The following PTGES variants were observed in gnomAD, a reference collection of about 807,000 sequenced individuals.
The protein encoded by PTGES is MGST1-like 1.
A neutral mutation model predicts 11.8 loss-of-function variants in PTGES; 3 were observed. That is an observed-to-expected ratio of 0.25 (90% CI 0.12 to 0.66). The LOEUF is 0.66. PTGES is among the 30% of genes least tolerant of loss of function. The pLI is 0.82. For synonymous variants in PTGES, 94 were observed against 90.4 expected, an observed-to-expected ratio of 1.04 and a Z score of -0.22; for missense variants, 180 against 213.0, an observed-to-expected ratio of 0.85 and a Z score of 0.96.
At chr9:129,747,667 T>A (rs1280498851) in intron 2 of PTGES, among the ~76,000 whole-genome samples, 1 of 152,044 alleles carries the variant, frequency 6.6e-6, no homozygotes, top group African/African-American at 2.4e-5. Flanking sequence ...GGGACATGAT[T>A]TTGTTGCATC....
At chr9:129,746,592 C>G (rs1278893085) in intron 2 of PTGES, among the ~76,000 whole-genome samples, 1 of 152,052 alleles carries the variant, frequency 6.6e-6, no homozygotes, top group Non-Finnish European at 1.5e-5. Flanking sequence ...AGAAAAAAAC[C>G]CACAGACTTT....
Position 129,750,929 on chromosome 9 carries a change from A to C in PTGES, c.126+1958T>G, listed in dbSNP as rs369813081. 6.0e-4 allele frequency among the ~76,000 whole-genome samples: 92 copies of C among 152,296 alleles called. 1 individual carries two copies. Among genetic ancestry groups the C allele is most frequent in the African/African-American group, 2.0e-3 (85 of 41,576 alleles). On this transcript the variant is annotated intron_variant, in intron 1 of 2. Transcript: ENST00000340607. ...GCCACGTTGTCATGAGGAACACCTC[A>C]GGAGCAGCCCAAGGAGTGGGGGTTT...
intron 2 of PTGES, among the ~76,000 whole-genome samples, chr9:129,743,885 G>A (rs1261588307): frequency 1.3e-5 from 2 of 152,154 alleles, no homozygotes; most frequent in Non-Finnish European, 2.9e-5. Flanking sequence ...GTCTCGCTCT[G>A]TGCCCCAGGC....
chr9:129,747,369 C>T (rs942087408), intron 2 of PTGES, among the ~76,000 whole-genome samples: 9 of 152,136 alleles, frequency 5.9e-5, no homozygotes, highest in African/African-American at 2.2e-4. Context: ...GTGATTAGAA[C>T]TGTGAGTGGT....
At chr9:129,746,272 C>T (rs2130952875) in intron 2 of PTGES, among the ~76,000 whole-genome samples, 1 of 152,316 alleles carries the variant, frequency 6.6e-6, no homozygotes, top group African/African-American at 2.4e-5. Flanking sequence ...GGGCAACCCA[C>T]CGTCCTGGCC....
At chr9:129,751,090 G>T (rs992823290) in intron 1 of PTGES, among the ~76,000 whole-genome samples, 1 of 152,162 alleles carries the variant, frequency 6.6e-6, no homozygotes, top group Non-Finnish European at 1.5e-5. Flanking sequence ...ACTCCAGGAG[G>T]CCAAGATGGG....
intron 2 of PTGES, among the ~76,000 whole-genome samples, chr9:129,741,439 C>T (rs769911214): frequency 2.0e-5 from 3 of 152,168 alleles, no homozygotes; most frequent in South Asian, 2.1e-4. Context: ...CCGCATATCC[C>T]GAGACTGACA....
At chr9:129,740,279 C>T (rs1588185182) in intron 2 of PTGES, among the ~76,000 whole-genome samples, 1 of 152,126 alleles carries the variant, frequency 6.6e-6, no homozygotes, top group South Asian at 2.1e-4. Context: ...GGATTGGAAC[C>T]GAGTTCTGAC....
At chr9:129,746,034 C>CA (rs142175511) in intron 2 of PTGES, among the ~76,000 whole-genome samples, 14,485 of 121,098 alleles carry the variant, frequency 0.12, 770 homozygotes, top group East Asian at 0.21. Flanking sequence ...AACTCTGTCT[C>CA]AAAAAAAAAA....
chr9:129,742,487 A>G (rs1434399577), intron 2 of PTGES, among the ~76,000 whole-genome samples: 1 of 152,208 alleles, frequency 6.6e-6, no homozygotes, highest in Non-Finnish European at 1.5e-5. Flanking sequence ...TGCCTGTCAC[A>G]AGTGATTCAC....
intron 2 of PTGES, among the ~76,000 whole-genome samples, chr9:129,740,962 C>T (rs972035926): frequency 6.6e-6 from 1 of 152,362 alleles, no homozygotes; most frequent in African/African-American, 2.4e-5. Context: ...CAGGCCCAGA[C>T]TAGCAGCACT....
intron 2 of PTGES, among the ~76,000 whole-genome samples, chr9:129,742,978 G>T (rs1159730750): frequency 6.6e-6 from 1 of 152,230 alleles, no homozygotes; most frequent in East Asian, 1.9e-4. Context: ...AAGGAAAGAA[G>T]TTGGGGAACA....
At chr9:129,748,823 C>T (rs1170548735) in intron 1 of PTGES, 86 bp from the exon 2 acceptor site, 7 of 1,163,480 alleles carry the variant, frequency 6.0e-6, no homozygotes, top group Non-Finnish European at 8.5e-6. Flanking sequence ...CCAGAGTTCA[C>T]AGTGGCAGGA....
intron 2 of PTGES, among the ~76,000 whole-genome samples, chr9:129,742,851 A>G (rs1368750012): frequency 1.3e-5 from 2 of 152,028 alleles, no homozygotes; most frequent in Non-Finnish European, 2.9e-5. Context: ...CAGCCTGGGC[A>G]ACAGAGTGAG....
intron 2 of PTGES, among the ~76,000 whole-genome samples, chr9:129,742,345 A>AAAAAAAAC (rs1564162247): frequency 6.7e-6 from 1 of 149,374 alleles, no homozygotes; most frequent in African/African-American, 2.5e-5. Context: ...AAAAAAAAAA[A>AAAAAAAAC]AAAAACATAA....
rs1197073247 is a variant in PTGES at position 129,752,768 on chromosome 9, T to G, written c.126+119A>C. ...AGCCCCCCGGCGGGGCTGGAAGAGGTGCTCACCTCCCAGCCCTGCACACAC... is the reference window on the plus strand; with the variant it reads ...AGCCCCCCGGCGGGGCTGGAAGAGGGGCTCACCTCCCAGCCCTGCACACAC... On this transcript the variant is annotated intron_variant, in intron 1 of 2. Transcript: ENST00000340607. 91 of 1,477,954 alleles carry G rather than the reference T, an allele frequency of 6.2e-5. No homozygotes were observed. The East Asian group carries it at 9.1e-4, about 15-fold the overall frequency. The allele number at this position is 1,477,954 out of a possible 1,614,324, so 91.6% of individuals were successfully genotyped here. A position where few individuals can be genotyped will look rare whatever the true frequency, so the allele number is the denominator to read the frequency against.
chr9:129,750,823 G>A (rs1219491892), intron 1 of PTGES, among the ~76,000 whole-genome samples: 2 of 152,214 alleles, frequency 1.3e-5, no homozygotes, highest in Non-Finnish European at 2.9e-5. Flanking sequence ...CTGGTGGGTG[G>A]AGGAGCCAGG....
At chr9:129,741,456 C>T (rs1334915290) in intron 2 of PTGES, among the ~76,000 whole-genome samples, 7 of 152,148 alleles carry the variant, frequency 4.6e-5, no homozygotes, top group African/African-American at 4.8e-5. Flanking sequence ...GACATGAACC[C>T]CTCTTCTCCT....
At chr9:129,742,345 A>AAC (rs1554727349) in intron 2 of PTGES, among the ~76,000 whole-genome samples, 1,505 of 149,442 alleles carry the variant, frequency 0.01, 41 homozygotes, top group African/African-American at 0.036. Context: ...AAAAAAAAAA[A>AAC]AAAAACATAA....
Sources: gnomAD v4.1 joint callset for allele counts (sites outside exome capture counted in the v4.1 genomes callset) on GRCh38, gnomAD v4.1.1 for gene constraint, MANE v1.5 for transcripts, NCBI Gene and HGNC (gene_info 2026-07-23, HGNC 2026-07-21) for gene names.